VAC14: variants seen among roughly 807,000 people sequenced by gnomAD.
VAC14 encodes protein VAC14 homolog.
VAC14 carries 47 observed loss-of-function variants against 85.3 expected under a neutral mutation model. That is an observed-to-expected ratio of 0.55 (90% CI 0.44 to 0.70). The LOEUF is 0.70. Among genes scored for constraint, VAC14 ranks in the 30% least tolerant of loss-of-function variants. The pLI, the probability that VAC14 is intolerant of heterozygous loss-of-function variation, is 0.00. For synonymous variants in VAC14, 447 were observed against 430.5 expected, an observed-to-expected ratio of 1.04 and a Z score of -0.47; for missense variants, 861 against 1,004.3, an observed-to-expected ratio of 0.86 and a Z score of 1.93.
In VAC14 at chr16:70,784,965, C is replaced by T. The variant is rs564720043; in HGVS notation, c.424-127G>A. On this transcript the variant is annotated intron_variant, in intron 3 of 18. Transcript: ENST00000261776. ...CCCAGAACATCTAGCAAGAACATCA[C>T]CCTTTCGGTGAACACATTTGAGAAA... 3 of 818,296 alleles carry T rather than the reference C, an allele frequency of 3.7e-6. No homozygotes were observed. The South Asian group carries it at 4.2e-5, about 11-fold the overall frequency. 50.7% of individuals were successfully genotyped at this position (818,296 alleles called of 1,614,324 possible).
At chr16:70,708,106 G>A (rs1050630153) in intron 14 of VAC14, among the ~76,000 whole-genome samples, 3 of 152,148 alleles carry the variant, frequency 2.0e-5, no homozygotes, top group Non-Finnish European at 2.9e-5. Context: ...TATTTTCCAT[G>A]TGTCTTTTCA....
At chr16:70,695,937 T>C (rs762067271) in intron 16 of VAC14, 80 of 238,104 alleles carry the variant, frequency 3.4e-4, no homozygotes, top group Non-Finnish European at 5.8e-4. Context: ...TTCTCTCCTT[T>C]CCTGCCAGCA....
intron 13 of VAC14, among the ~76,000 whole-genome samples, chr16:70,741,553 G>A (rs997719970): frequency 4.6e-5 from 7 of 152,212 alleles, no homozygotes; most frequent in African/African-American, 1.7e-4. Context: ...AGGCCCACAC[G>A]TGAGTCTCAG....
At chr16:70,792,873 G>A (rs1198663008) in intron 1 of VAC14, among the ~76,000 whole-genome samples, 1 of 152,170 alleles carries the variant, frequency 6.6e-6, no homozygotes, top group Non-Finnish European at 1.5e-5. Flanking sequence ...TATTCCAGGG[G>A]TCAGTTATTC....
chr16:70,739,433 G>C (rs2030035630), intron 13 of VAC14, among the ~76,000 whole-genome samples: 1 of 152,222 alleles, frequency 6.6e-6, no homozygotes, highest in African/African-American at 2.4e-5. Flanking sequence ...GGTCTCTGAA[G>C]TCACTGTGAA....
At chr16:70,764,787 G>A (rs375445918) in intron 10 of VAC14, among the ~76,000 whole-genome samples, 31 of 152,330 alleles carry the variant, frequency 2.0e-4, no homozygotes, top group African/African-American at 4.8e-4. Context: ...GTAGCCAACA[G>A]GCACTCAGTA....
intron 9 of VAC14, among the ~76,000 whole-genome samples, chr16:70,777,209 T>G (rs567170152): frequency 6.6e-6 from 1 of 152,304 alleles, no homozygotes; most frequent in Non-Finnish European, 1.5e-5. Context: ...CCTCCCAAAG[T>G]GCTGGGATTA....
At chr16:70,761,133 C>T (rs1431749905) in intron 12 of VAC14, 2 of 454,280 alleles carry the variant, frequency 4.4e-6, no homozygotes, top group African/African-American at 4.0e-5. Flanking sequence ...TGATACCTGC[C>T]TGTCCATTTC....
intron 14 of VAC14, among the ~76,000 whole-genome samples, chr16:70,701,247 G>T (rs1287056786): frequency 1.3e-5 from 2 of 152,216 alleles, no homozygotes; most frequent in East Asian, 3.9e-4. Context: ...CATGCCCTCC[G>T]GCCCTGAGCC....
At chr16:70,689,503 G>A in intron 18 of VAC14, 3 of 985,520 alleles carry the variant, frequency 3.0e-6, no homozygotes, top group African/African-American at 1.7e-5. Context: ...GCAGGACCAG[G>A]GCAGGGGGAC....
At chr16:70,725,473 G>A (rs2054401022) in intron 14 of VAC14, among the ~76,000 whole-genome samples, 1 of 152,116 alleles carries the variant, frequency 6.6e-6, no homozygotes, top group Non-Finnish European at 1.5e-5. Flanking sequence ...TTAAAAACAA[G>A]TCCAGTTTCT....
At chr16:70,692,722 G>A in intron 18 of VAC14, 99 bp downstream of exon 18, 1 of 1,476,324 alleles carries the variant, frequency 6.8e-7, no homozygotes, top group Non-Finnish European at 9.0e-7. Context: ...TGAAGTGAGG[G>A]AGGCCTCAGC....
chr16:70,725,597 A>G (rs2054404948), intron 14 of VAC14, among the ~76,000 whole-genome samples: 1 of 151,044 alleles, frequency 6.6e-6, no homozygotes, highest in Non-Finnish European at 1.5e-5. Context: ...GGGGAGGGGC[A>G]GTAGCAGAGG....
At chr16:70,738,952 C>A (rs1255014888) in intron 13 of VAC14, among the ~76,000 whole-genome samples, 1 of 152,214 alleles carries the variant, frequency 6.6e-6, no homozygotes, top group Non-Finnish European at 1.5e-5. Context: ...TCACCACCCA[C>A]CCAGGCAGCC....
At chr16:70,786,494 G>T in intron 1 of VAC14, 129 bp from the exon 2 acceptor site, 1 of 1,259,166 alleles carries the variant, frequency 7.9e-7, no homozygotes, top group Non-Finnish European at 1.1e-6. Flanking sequence ...GCGTCTCAGG[G>T]CAGGTCTCAG....
At chr16:70,735,112 C>T (rs895996352) in intron 13 of VAC14, among the ~76,000 whole-genome samples, 2 of 152,162 alleles carry the variant, frequency 1.3e-5, no homozygotes, top group Non-Finnish European at 2.9e-5. Flanking sequence ...GGAAATGACG[C>T]TGTGAAGAGC....
chr16:70,789,309 G>A (rs182536458), intron 1 of VAC14, among the ~76,000 whole-genome samples: 1 of 152,364 alleles, frequency 6.6e-6, no homozygotes, highest in Admixed American at 6.5e-5. Flanking sequence ...AAGGTCTGAA[G>A]GCAAATCAAC....
chr16:70,718,945 A>C (rs2054225860), intron 14 of VAC14, among the ~76,000 whole-genome samples: 1 of 152,226 alleles, frequency 6.6e-6, no homozygotes, highest in Admixed American at 6.5e-5. Context: ...CTGGATACAG[A>C]GGCCAGTGAA....
chr16:70,704,055 G>A (rs2053877720), intron 14 of VAC14, among the ~76,000 whole-genome samples: 1 of 152,232 alleles, frequency 6.6e-6, no homozygotes, highest in Non-Finnish European at 1.5e-5. Context: ...ACACTGGCAA[G>A]CATCAGCACA....
Sources: gnomAD v4.1 joint callset for allele counts (sites outside exome capture counted in the v4.1 genomes callset) on GRCh38, gnomAD v4.1.1 for gene constraint, MANE v1.5 for transcripts, NCBI Gene and HGNC (gene_info 2026-07-23, HGNC 2026-07-21) for gene names.